TMIGD1: variants seen among roughly 807,000 people sequenced by gnomAD.
TMIGD1 encodes transmembrane and immunoglobulin domain containing 1.
A neutral mutation model predicts 27.5 loss-of-function variants in TMIGD1; 29 were observed. The observed-to-expected ratio is 1.05, with a 90% CI of 0.78 to 1.44. The LOEUF is 1.44. Ranked by LOEUF, TMIGD1 falls within the 40% of genes most tolerant of loss-of-function variation. The probability of loss-of-function intolerance (pLI) is 0.00; values close to 1 mark genes in which losing one functional copy is unlikely to be tolerated. For missense variants in TMIGD1, 334 were observed against 310.6 expected (o/e 1.08, Z -0.57); for synonymous variants, 109 against 110.3 (o/e 0.99, Z 0.07).
rs757429740 is a variant in TMIGD1 at position 30,324,900 on chromosome 17, C to T, written c.556G>A (p.Glu186Lys). ...ESFQLSITKV[E>K]KPDNGTYSCI... Reference sequence around the variant, plus strand: ...CTGTAGGTTCCGTTGTCAGGCTTCTCGACTTTGGTGATTGACAGCTGAAAA... The same window carrying T: ...CTGTAGGTTCCGTTGTCAGGCTTCTTGACTTTGGTGATTGACAGCTGAAAA... Residue 186 changes from glutamate to lysine, a missense_variant, in exon 4 of 7, where the codon GAG (glutamate) becomes AAG (lysine). By Grantham distance (56) the Glu-to-Lys change is moderately conservative. Transcript: ENST00000328886. The T allele has an allele frequency of 1.9e-6, 3 of 1,614,050 alleles. No homozygotes were observed. Among genetic ancestry groups the T allele is most frequent in the East Asian group, 2.2e-5 (1 of 44,898 alleles).
chr17:30,324,667 T>C, intron 4 of TMIGD1, 149 bp downstream of exon 4: 1 of 937,242 alleles, frequency 1.1e-6, no homozygotes, highest in Admixed American at 2.8e-5. Flanking sequence ...GGATTCTTAG[T>C]GGAAAAATCC....
chr17:30,319,604 T>C (rs941810768), intron 4 of TMIGD1, among the ~76,000 whole-genome samples: 3 of 151,826 alleles, frequency 2.0e-5, no homozygotes, highest in Non-Finnish European at 2.9e-5. Context: ...CAGAAGTAGA[T>C]TGAAGTCAAC....
rs372067755 is a variant in TMIGD1 at position 30,317,186 on chromosome 17, T to A, written c.785+7A>T. 2.2e-5 allele frequency: 36 copies of A among 1,613,808 alleles called. No homozygotes were observed. In the African/African-American group the frequency reaches 4.7e-4, roughly 21 times the overall value. ...AAAAAGCACTGGTCCCGGCCTAGAG[T>A]ACTTACAGAGCTGTTTCACTGTGAG... On this transcript the variant is annotated splice_region_variant and intron_variant, in intron 6 of 6. Coordinates refer to ENST00000328886, the MANE Select transcript of TMIGD1 (RefSeq NM_206832.3).
At chr17:30,331,264 G>T (rs967190189) in intron 2 of TMIGD1, among the ~76,000 whole-genome samples, 1 of 151,844 alleles carries the variant, frequency 6.6e-6, no homozygotes, top group African/African-American at 2.4e-5. Context: ...TTAAAATATG[G>T]AATATTGAGT....
At chr17:30,324,395 A>G (rs554114044) in intron 4 of TMIGD1, among the ~76,000 whole-genome samples, 2 of 152,142 alleles carry the variant, frequency 1.3e-5, no homozygotes, top group African/African-American at 4.8e-5. Context: ...TTAGAATTTG[A>G]GTTAGGAGTG....
chr17:30,319,322 G>A (rs1302168791), intron 4 of TMIGD1, among the ~76,000 whole-genome samples: 1 of 139,074 alleles, frequency 7.2e-6, no homozygotes. Flanking sequence ...CTACTTGGGA[G>A]ACTGAGGCAG....
chr17:30,320,345 T>A (rs1376705052), intron 4 of TMIGD1, among the ~76,000 whole-genome samples: 1 of 152,132 alleles, frequency 6.6e-6, no homozygotes, highest in African/African-American at 2.4e-5. Context: ...CAAGAGCTAC[T>A]TTATTTATCA....
At chr17:30,329,216 C>T (rs1909889574) in intron 3 of TMIGD1, 35 bp downstream of exon 3, 1 of 1,602,722 alleles carries the variant, frequency 6.2e-7, no homozygotes, top group African/African-American at 1.3e-5. Flanking sequence ...ACAGACATTA[C>T]AGACCCACTA....
intron 2 of TMIGD1, among the ~76,000 whole-genome samples, chr17:30,329,996 A>G (rs1459802125): frequency 6.6e-6 from 1 of 151,576 alleles, no homozygotes; most frequent in Admixed American, 6.6e-5. Context: ...AAGGTGGGAG[A>G]CTCGCTTGAG....
chr17:30,317,630 C>T (rs1010399961), intron 5 of TMIGD1, among the ~76,000 whole-genome samples: 3 of 151,846 alleles, frequency 2.0e-5, no homozygotes, highest in South Asian at 4.2e-4. Flanking sequence ...CATGGTGCCA[C>T]ATGCCTGTAG....
At chr17:30,320,197 C>T (rs538497984) in intron 4 of TMIGD1, among the ~76,000 whole-genome samples, 2 of 152,112 alleles carry the variant, frequency 1.3e-5, no homozygotes, top group South Asian at 2.1e-4. Flanking sequence ...GCTACCATAC[C>T]GAGATAATTT....
chr17:30,327,521 G>T (rs542704112), intron 3 of TMIGD1, among the ~76,000 whole-genome samples: 1 of 151,452 alleles, frequency 6.6e-6, no homozygotes, highest in African/African-American at 2.4e-5. Context: ...CCCCTAGTCC[G>T]GGCCTTAGTT....
At chr17:30,317,058 C>T in intron 6 of TMIGD1, 135 bp downstream of exon 6, 1 of 1,060,994 alleles carries the variant, frequency 9.4e-7, no homozygotes, top group East Asian at 2.4e-5. Flanking sequence ...GGCAGATTTT[C>T]CTCCACCTTC....
chr17:30,320,090 T>C (rs1245074606), intron 4 of TMIGD1, among the ~76,000 whole-genome samples: 1 of 151,598 alleles, frequency 6.6e-6, no homozygotes, highest in Non-Finnish European at 1.5e-5. Flanking sequence ...CAGGCTGGAG[T>C]ACGGTGGTGC....
At chr17:30,317,064 C>T in intron 6 of TMIGD1, 129 bp downstream of exon 6, 2 of 1,123,110 alleles carry the variant, frequency 1.8e-6, no homozygotes, top group East Asian at 2.4e-5. Context: ...TTTTCCTCCA[C>T]CTTCTATTCT....
At chr17:30,320,041 AT>A (rs113138908) in intron 4 of TMIGD1, among the ~76,000 whole-genome samples, 232 of 144,422 alleles carry the variant, frequency 1.6e-3, no homozygotes, top group South Asian at 5.1e-3. Flanking sequence ...ACTGAGAGCT[AT>A]TTTTTTTTTT....
intron 5 of TMIGD1, among the ~76,000 whole-genome samples, chr17:30,318,429 C>T (rs1228753179): frequency 6.6e-6 from 1 of 152,176 alleles, no homozygotes; most frequent in Non-Finnish European, 1.5e-5. Context: ...AGTGAGCAGC[C>T]AATGCCATCT....
intron 4 of TMIGD1, among the ~76,000 whole-genome samples, chr17:30,320,379 G>C (rs1187523225): frequency 6.6e-6 from 1 of 152,046 alleles, no homozygotes; most frequent in Non-Finnish European, 1.5e-5. Context: ...TAGTGCCTGT[G>C]TTTGCAAGCT....
At chr17:30,322,751 C>G (rs985284620) in intron 4 of TMIGD1, among the ~76,000 whole-genome samples, 11 of 152,226 alleles carry the variant, frequency 7.2e-5, no homozygotes, top group African/African-American at 2.7e-4. Flanking sequence ...CCACCCGCCT[C>G]GGCCTCCCAA....
Sources: allele counts gnomAD v4.1 joint callset (sites outside exome capture counted in the v4.1 genomes callset), GRCh38; gene constraint gnomAD v4.1.1; transcripts MANE v1.5; gene names NCBI Gene and HGNC (gene_info 2026-07-23, HGNC 2026-07-21).